Variants in NSG2 observed in about 807,000 individuals in gnomAD.
The protein encoded by NSG2 is neuronal vesicle trafficking-associated protein 2.
Under a neutral mutation model 16.9 loss-of-function variants are expected in NSG2, and 4 were observed. The ratio of observed to expected loss-of-function variants is 0.24; its 90% confidence interval spans 0.12 to 0.54. NSG2 has a LOEUF of 0.54. NSG2 is among the 20% of genes least tolerant of loss of function. The pLI is 0.95. For missense variants in NSG2, 179 were observed against 221.1 expected (o/e 0.81, Z 1.21); for synonymous variants, 98 against 88.7 (o/e 1.11, Z -0.59).
intron 3 of NSG2, among the ~76,000 whole-genome samples, chr5:174,086,732 G>T (rs932554914): frequency 6.6e-6 from 1 of 152,186 alleles, no homozygotes; most frequent in South Asian, 2.1e-4. Flanking sequence ...CCTGTAAGAG[G>T]TTCACTGTCA....
At chr5:174,060,099 G>A (rs1250537505) in intron 2 of NSG2, among the ~76,000 whole-genome samples, 1 of 152,110 alleles carries the variant, frequency 6.6e-6, no homozygotes, top group African/African-American at 2.4e-5. Flanking sequence ...TAGCGCTTTT[G>A]GTTGAAGAAG....
rs978841888 is a variant in NSG2 at position 174,072,096 on chromosome 5, C to T, written c.213+7781C>T. On this transcript the variant is annotated intron_variant, in intron 3 of 4. Coordinates refer to ENST00000303177, the MANE Select transcript of NSG2 (RefSeq NM_015980.5). This position sits in a 1 kb window ranked among gnomAD's most constrained non-coding sequence, Gnocchi z 4.0. ...CTAGCAGCCATAGAGCCAGGCCCCT[C>T]TCCCTCTGGAAGTCTCTAGTGACTG... Among the ~76,000 whole-genome samples the T allele has an allele frequency of 6.6e-6, 1 of 152,202 alleles. No individual in the cohort carries two copies. The highest frequency in any genetic ancestry group is 1.9e-4 in the East Asian group (1 of 5,194).
chr5:174,107,360 A>G lies in NSG2; in HGVS notation c.371A>G (p.Gln124Arg), dbSNP rs1457723218. 5 of 1,599,472 alleles carry G rather than the reference A, an allele frequency of 3.1e-6. No individual in the cohort carries two copies. The highest frequency in any genetic ancestry group is 1.3e-5 in the African/African-American group (1 of 74,756). ...PASLDAYYSS[Q>R]DPNSRSRFYT... is the part of the protein sequence containing the mutation. Reference sequence around the variant, plus strand: ...TCCCTGGATGCTTACTACTCCTCCCAGGACCCCAATTCCAGAAGCCGCTTC... The same window carrying G: ...TCCCTGGATGCTTACTACTCCTCCCGGGACCCCAATTCCAGAAGCCGCTTC... Residue 124 changes from glutamine (Q) to arginine (R), a missense_variant, in exon 5 of 5, where the codon CAG (glutamine) becomes CGG (arginine). Coordinates refer to ENST00000303177, the MANE Select transcript of NSG2 (RefSeq NM_015980.5). The surrounding 1 kb of genome is among the most constrained non-coding windows in gnomAD (Gnocchi z 4.5).
At chr5:174,064,107 T>G (rs538979994) in intron 2 of NSG2, 125 bp from the exon 3 acceptor site, 1 of 616,276 alleles carries the variant, frequency 1.6e-6, no homozygotes, top group African/African-American at 1.8e-5. Context: ...TTACGTGTGT[T>G]TGAAGGGGGG....
At chr5:174,094,394 CCATCT>C (rs1760763991) in intron 3 of NSG2, among the ~76,000 whole-genome samples, 1 of 152,154 alleles carries the variant, frequency 6.6e-6, no homozygotes, top group Non-Finnish European at 1.5e-5. Flanking sequence ...TTTATAGGCA[CCATCT>C]CATTTAATCT....
intron 3 of NSG2, among the ~76,000 whole-genome samples, chr5:174,073,515 G>T (rs12522159): frequency 0.12 from 18,500 of 152,180 alleles, 1,395 homozygotes; most frequent in African/African-American, 0.21. Flanking sequence ...TTTCACTTCT[G>T]GCCAGGGTTT....
chr5:174,066,362 C>T (rs1760139806), intron 3 of NSG2: 1 of 429,230 alleles, frequency 2.3e-6, no homozygotes, highest in Non-Finnish European at 4.8e-6. Flanking sequence ...AATTTACCTG[C>T]CTTCCTGGCA....
intron 3 of NSG2, among the ~76,000 whole-genome samples, chr5:174,095,007 G>A (rs1270345678): frequency 6.6e-6 from 1 of 152,228 alleles, no homozygotes; most frequent in African/African-American, 2.4e-5. Flanking sequence ...TGCACAAAGT[G>A]TAATGAGAGC....
intron 3 of NSG2, among the ~76,000 whole-genome samples, chr5:174,096,245 G>A (rs975457528): frequency 1.3e-5 from 2 of 152,218 alleles, no homozygotes; most frequent in Admixed American, 6.5e-5. Context: ...GTTAATTAAA[G>A]TGCCCTAGGA....
At chr5:174,089,581 C>T (rs1760690639) in intron 3 of NSG2, among the ~76,000 whole-genome samples, 1 of 152,082 alleles carries the variant, frequency 6.6e-6, no homozygotes, top group African/African-American at 2.4e-5. Flanking sequence ...TACCCTCATC[C>T]TGACCCACGA....
intron 2 of NSG2, among the ~76,000 whole-genome samples, chr5:174,050,373 C>T (rs1349052085): frequency 3.9e-5 from 6 of 152,164 alleles, no homozygotes; most frequent in African/African-American, 1.2e-4. Context: ...TCTCGTGGAA[C>T]GTGTCTGAAG....
intron 3 of NSG2, among the ~76,000 whole-genome samples, chr5:174,099,190 C>T (rs1760860499): frequency 6.6e-6 from 1 of 152,158 alleles, no homozygotes; most frequent in Non-Finnish European, 1.5e-5. Flanking sequence ...AGAACTGAAA[C>T]CTGCCTGTAG....
At chr5:174,081,211 C>CT (rs1760459415) in intron 3 of NSG2, among the ~76,000 whole-genome samples, 1 of 152,018 alleles carries the variant, frequency 6.6e-6, no homozygotes, top group African/African-American at 2.4e-5. Flanking sequence ...TATTGCTCCT[C>CT]TTTTTCTGAT....
intron 2 of NSG2, among the ~76,000 whole-genome samples, chr5:174,052,046 A>G (rs1759897443): frequency 6.6e-6 from 1 of 152,068 alleles, no homozygotes; most frequent in African/African-American, 2.4e-5. Flanking sequence ...ATTTTGGAAG[A>G]TTGCCCTCAT....
chr5:174,048,733 G>A (rs999016027), intron 2 of NSG2, among the ~76,000 whole-genome samples: 5 of 152,086 alleles, frequency 3.3e-5, no homozygotes, highest in African/African-American at 9.7e-5. Flanking sequence ...CACCTCCCAG[G>A]GCTTTATTCT....
At chr5:174,100,480 C>T (rs1561676027) in intron 3 of NSG2, among the ~76,000 whole-genome samples, 1 of 152,206 alleles carries the variant, frequency 6.6e-6, no homozygotes, top group East Asian at 1.9e-4. Context: ...CGGTAATTAC[C>T]TGGACAGCCT....
chr5:174,072,563 CAG>C lies in NSG2; in HGVS notation c.213+8251_213+8252del. On this transcript the variant is annotated intron_variant, in intron 3 of 4. Transcript: ENST00000303177. This position sits in a 1 kb window ranked among gnomAD's most constrained non-coding sequence, Gnocchi z 4.0. ...ACCCTCCATTCTAGTACCAATTAAA[CAG>C]AGTTGGCATCAGTGAGTTACCTACT... Among the ~76,000 whole-genome samples, 1 of 152,234 alleles carries C rather than the reference CAG, an allele frequency of 6.6e-6. No individual in the cohort carries two copies. Among genetic ancestry groups the C allele is most frequent in the East Asian group, 1.9e-4 (1 of 5,204 alleles).
rs1761014621 is a variant in NSG2, at chr5:174,108,134, T to C, written c.*629T>C. The stretch of plus-strand genomic sequence containing the variant: ...CTGGCCTCTGGTGCATTTTGCAAGA[T>C]GAGCACAAACTTTCTGGGCCTCCAT... On this transcript the variant is annotated 3_prime_UTR_variant, in exon 5 of 5. Coordinates refer to ENST00000303177, the MANE Select transcript of NSG2 (RefSeq NM_015980.5). The C allele has an allele frequency of 4.8e-6, 1 of 208,640 alleles. No individual in the cohort carries two copies. Among genetic ancestry groups the C allele is most frequent in the African/African-American group, 2.4e-5 (1 of 41,952 alleles). The allele number at this position is 208,640 out of a possible 1,614,324, so 12.9% of individuals were successfully genotyped here.
chr5:174,108,463 C>G lies in NSG2; in HGVS notation c.*958C>G, dbSNP rs1201927926. 1.3e-5 allele frequency: 2 copies of G among 152,412 alleles called. No homozygotes were observed. The highest frequency in any genetic ancestry group is 2.9e-5 in the Non-Finnish European group (2 of 68,138). The allele number at this position is 152,412 out of a possible 1,614,324, so 9.4% of individuals were successfully genotyped here. ...TTGTTGTTTCCCAAAGTGCTGATAA[C>G]AATAACAACAACAATAGGATTCCAA... On this transcript the variant is annotated 3_prime_UTR_variant, in exon 5 of 5. Coordinates refer to ENST00000303177, the MANE Select transcript of NSG2 (RefSeq NM_015980.5).
Sources: gnomAD v4.1 joint callset for allele counts (sites outside exome capture counted in the v4.1 genomes callset) on GRCh38, gnomAD v4.1.1 for gene constraint, Gnocchi (gnomAD v3.1) non-coding constraint, MANE v1.5 for transcripts, NCBI Gene and HGNC (gene_info 2026-07-23, HGNC 2026-07-21) for gene names.